PLEKHG7: variants seen among roughly 807,000 people sequenced by gnomAD.
PLEKHG7 encodes the protein pleckstrin homology domain-containing family G member 7.
PLEKHG7 carries 77 observed loss-of-function variants against 85.2 expected under a neutral mutation model. The ratio of observed to expected loss-of-function variants is 0.90; its 90% CI spans 0.75 to 1.09. The LOEUF is 1.09. PLEKHG7 is among the 50% of genes least tolerant of loss of function. The pLI, the probability that PLEKHG7 is intolerant of heterozygous loss-of-function variation, is 0.00. For synonymous variants in PLEKHG7, 301 were observed against 302.4 expected, an observed-to-expected ratio of 1.00 and a Z score of 0.05; for missense variants, 777 against 804.3, an observed-to-expected ratio of 0.97 and a Z score of 0.41.
intron 3 of PLEKHG7, among the ~76,000 whole-genome samples, chr12:92,717,895 C>T (rs78427371): frequency 0.026 from 4,026 of 152,276 alleles, 119 homozygotes; most frequent in African/African-American, 0.073. Flanking sequence ...TTCTTTTGAA[C>T]TGGTTAATAA....
intron 14 of PLEKHG7, among the ~76,000 whole-genome samples, chr12:92,763,632 T>C (rs1214873821): frequency 1.3e-5 from 2 of 151,942 alleles, no homozygotes; most frequent in East Asian, 1.9e-4. Flanking sequence ...CTGGACAACA[T>C]AGTGAGATCC....
chr12:92,736,276 C>A (rs1269339092), intron 5 of PLEKHG7, among the ~76,000 whole-genome samples: 2 of 151,872 alleles, frequency 1.3e-5, no homozygotes, highest in Non-Finnish European at 2.9e-5. Context: ...TCTCACGGGC[C>A]TGTGTCCCCC....
rs761668282 is a variant in PLEKHG7 at position 92,754,189 on chromosome 12, A to G, written c.1351A>G (p.Ile451Val). ...LTRYPLLLKN[I>V]WKRSMDSAEK... ...TCGATATCCGTTGTTGCTGAAGAAT[A>G]TCTGGAAAAGGAGCATGGACTCTGC... is the stretch of plus-strand genomic sequence containing the variant. The change falls in exon 11 of 17, where the codon ATC (isoleucine) becomes GTC (valine). Residue 451 changes from isoleucine to valine, a missense_variant. This residue lies in a region of PLEKHG7 where 520 missense variants were observed against 544.0 expected (regional missense o/e 0.96). Coordinates refer to ENST00000344636, the MANE Select transcript of PLEKHG7 (RefSeq NM_001377329.1). 9.9e-6 allele frequency: 16 copies of G among 1,613,936 alleles called. No individual in the cohort carries two copies. Among genetic ancestry groups the G allele is most frequent in the Non-Finnish European group, 1.4e-5 (16 of 1,179,972 alleles).
At chr12:92,722,552 A>G (rs1177611595) in intron 3 of PLEKHG7, among the ~76,000 whole-genome samples, 1 of 152,166 alleles carries the variant, frequency 6.6e-6, no homozygotes, top group Admixed American at 6.5e-5. Flanking sequence ...GCCGTTCACA[A>G]GCCGGTTATC....
chr12:92,752,781 G>T (rs1366344942), intron 10 of PLEKHG7, among the ~76,000 whole-genome samples: 1 of 152,196 alleles, frequency 6.6e-6, no homozygotes, highest in African/African-American at 2.4e-5. Context: ...ACCATAGACT[G>T]GGTGGCTTAT....
chr12:92,757,131 C>A (rs1164743403), intron 13 of PLEKHG7, among the ~76,000 whole-genome samples: 1 of 152,248 alleles, frequency 6.6e-6, no homozygotes, highest in Non-Finnish European at 1.5e-5. Flanking sequence ...GCCTGGCTCA[C>A]TCCCTGCTCA....
chr12:92,712,797 G>A (rs1871388918), intron 3 of PLEKHG7, among the ~76,000 whole-genome samples: 1 of 152,090 alleles, frequency 6.6e-6, no homozygotes, highest in Admixed American at 6.6e-5. Flanking sequence ...TCTGGTCCTG[G>A]AAAAATGACC....
chr12:92,766,299 T>C (rs1565798812), intron 15 of PLEKHG7, among the ~76,000 whole-genome samples: 1 of 152,198 alleles, frequency 6.6e-6, no homozygotes, highest in Non-Finnish European at 1.5e-5. Flanking sequence ...GCTATAGTTA[T>C]AGATTATGAT....
intron 7 of PLEKHG7, among the ~76,000 whole-genome samples, chr12:92,739,396 C>G (rs1872279303): frequency 6.6e-6 from 1 of 152,190 alleles, no homozygotes; most frequent in African/African-American, 2.4e-5. Flanking sequence ...GAGGTGAAAA[C>G]CATGCTGTTT....
intron 10 of PLEKHG7, among the ~76,000 whole-genome samples, chr12:92,753,151 T>C (rs1482833840): frequency 6.6e-6 from 1 of 152,188 alleles, no homozygotes; most frequent in Non-Finnish European, 1.5e-5. Flanking sequence ...TATTAATCCC[T>C]TTATCGCTGA....
chr12:92,720,408 C>A (rs1592674925), intron 3 of PLEKHG7, among the ~76,000 whole-genome samples: 1 of 152,060 alleles, frequency 6.6e-6, no homozygotes, highest in East Asian at 1.9e-4. Context: ...TCACTGCAAC[C>A]TCTGCCTCTC....
Position 92,770,454 on chromosome 12 carries a change from A to C in PLEKHG7, c.*259A>C, listed in dbSNP as rs1472047424. On this transcript the variant is annotated 3_prime_UTR_variant, in exon 17 of 17. Transcript: ENST00000344636. Reference sequence around the variant, plus strand: ...TTCTAATGCTTCCGTCAGGTTTGTAAGAGGTGTGAGTGAAGAAAGGTGCTA... The same window carrying C: ...TTCTAATGCTTCCGTCAGGTTTGTACGAGGTGTGAGTGAAGAAAGGTGCTA... 2.7e-6 allele frequency: 1 copy of C among 369,154 alleles called. No homozygotes were observed. Among genetic ancestry groups the C allele is most frequent in the Admixed American group, 4.9e-5 (1 of 20,516 alleles). 22.9% of individuals were successfully genotyped at this position (369,154 alleles called of 1,614,324 possible). A position where few individuals can be genotyped will look rare whatever the true frequency, so the allele number is the denominator to read the frequency against.
intron 11 of PLEKHG7, among the ~76,000 whole-genome samples, chr12:92,754,921 A>G (rs1872784910): frequency 6.6e-6 from 1 of 152,216 alleles, no homozygotes; most frequent in Non-Finnish European, 1.5e-5. Flanking sequence ...GTTTAAAAGT[A>G]AAATGATACT....
intron 5 of PLEKHG7, among the ~76,000 whole-genome samples, chr12:92,735,512 C>T (rs1253182912): frequency 3.9e-5 from 6 of 152,194 alleles, no homozygotes; most frequent in East Asian, 1.9e-4. Flanking sequence ...ATGCCAATAT[C>T]GTGCACTCTG....
At chr12:92,741,041 A>G in intron 8 of PLEKHG7, 93 bp downstream of exon 8, 1 of 836,376 alleles carries the variant, frequency 1.2e-6, no homozygotes, top group South Asian at 1.6e-5. Context: ...ATGCCATAAT[A>G]CATCTCCATA....
chr12:92,756,173 G>A (rs1872823346), intron 12 of PLEKHG7, 125 bp from the exon 13 acceptor site: 2 of 754,258 alleles, frequency 2.7e-6, no homozygotes, highest in South Asian at 1.8e-5. Flanking sequence ...CCATTCCCAT[G>A]TCCATCTGCT....
At chr12:92,738,021 A>G (rs1872228993) in intron 7 of PLEKHG7, among the ~76,000 whole-genome samples, 1 of 152,064 alleles carries the variant, frequency 6.6e-6, no homozygotes, top group Non-Finnish European at 1.5e-5. Context: ...CAGGCAGTCC[A>G]TTGCATCTTT....
chr12:92,761,990 TA>T (rs1262761423), intron 14 of PLEKHG7, among the ~76,000 whole-genome samples, 159 bp downstream of exon 14: 1 of 151,914 alleles, frequency 6.6e-6, no homozygotes, highest in African/African-American at 2.4e-5. Flanking sequence ...TTTTTAGTCA[TA>T]AAGCTCTGAA....
chr12:92,711,320 C>G (rs191068525), intron 3 of PLEKHG7, among the ~76,000 whole-genome samples: 1 of 152,266 alleles, frequency 6.6e-6, no homozygotes, highest in Admixed American at 6.5e-5. Flanking sequence ...TAGGGAACTC[C>G]CCATGAGGCC....
Sources: gnomAD v4.1 joint callset for allele counts (sites outside exome capture counted in the v4.1 genomes callset) on GRCh38, gnomAD v4.1.1 for gene constraint, gnomAD v4.1.1 regional missense constraint, MANE v1.5 for transcripts, NCBI Gene and HGNC (gene_info 2026-07-23, HGNC 2026-07-21) for gene names.